CLDN10: variants seen among roughly 807,000 people sequenced by gnomAD.
CLDN10 encodes claudin-10.
In CLDN10, 15 loss-of-function variants were observed where a neutral mutation model predicts 22.9. The observed-to-expected ratio is 0.65, with a 90% CI of 0.44 to 1.01. The LOEUF (loss-of-function observed/expected upper bound fraction) is 1.01, where lower values mean the gene tolerates loss of function less well. Among genes scored for constraint, CLDN10 ranks in the 50% least tolerant of loss-of-function variants. The pLI is 0.00. For synonymous variants in CLDN10, 114 were observed against 111.4 expected, an observed-to-expected ratio of 1.02 and a Z score of -0.15; for missense variants, 247 against 287.8, an observed-to-expected ratio of 0.86 and a Z score of 1.03.
At position 95,435,962 on chromosome 13, in the gene CLDN10, T is replaced by TA. The variant is rs55831992; in HGVS notation, c.214+1929dup. On this transcript the variant is annotated intron_variant, in intron 1 of 4. Transcript: ENST00000376873. The stretch of plus-strand genomic sequence containing the variant: ...TGAGCCACCTTGCCCGGCCTCATCT[T>TA]AAAAAAAAAAAAAAGAAAATTGTCT... Among the ~76,000 whole-genome samples, 725 of 141,616 alleles carry TA rather than the reference T, an allele frequency of 5.1e-3. 8 individuals are homozygous for TA. The highest frequency in any genetic ancestry group is 0.035 in the South Asian group (156 of 4,432). 92.9% of individuals were successfully genotyped at this position (141,616 alleles called of 152,430 possible).
At chr13:95,549,222 T>C (rs1426779540), upstream of CLDN10, among the ~76,000 whole-genome samples, 1 of 152,264 alleles carries the variant, frequency 6.6e-6, no homozygotes, top group East Asian at 1.9e-4. Context: ...GATGTTACTT[T>C]GAATAATTTA....
chr13:95,523,474 A>G (rs1034258198), intron 1 of CLDN10, among the ~76,000 whole-genome samples: 5 of 152,228 alleles, frequency 3.3e-5, no homozygotes, highest in East Asian at 1.9e-4. Flanking sequence ...TGCCTCTTCA[A>G]TTTTACTTGT....
chr13:95,443,415 G>A (rs758663260), intron 1 of CLDN10, among the ~76,000 whole-genome samples: 8 of 152,178 alleles, frequency 5.3e-5, no homozygotes, highest in Admixed American at 6.5e-5. Flanking sequence ...TGTTTTAATC[G>A]GGTGTGGTAA....
intron 1 of CLDN10, among the ~76,000 whole-genome samples, chr13:95,442,485 G>A (rs1166748095): frequency 6.6e-6 from 1 of 152,172 alleles, no homozygotes; most frequent in Non-Finnish European, 1.5e-5. Flanking sequence ...TTGCTATTTT[G>A]TATAAGGCAA....
chr13:95,543,627 C>A (rs1307785131), intron 1 of CLDN10, among the ~76,000 whole-genome samples: 1 of 151,738 alleles, frequency 6.6e-6, no homozygotes, highest in African/African-American at 2.4e-5. Context: ...TTTATTTTTT[C>A]TATTAGTTTG....
chr13:95,548,540 G>A (rs2043533085), upstream of CLDN10, among the ~76,000 whole-genome samples: 1 of 151,992 alleles, frequency 6.6e-6, no homozygotes, highest in African/African-American at 2.4e-5. Context: ...GAGAATAACT[G>A]TTCATTCTGT....
At chr13:95,462,001 TG>T (rs1426727190) in intron 1 of CLDN10, among the ~76,000 whole-genome samples, 1 of 151,276 alleles carries the variant, frequency 6.6e-6, no homozygotes, top group Non-Finnish European at 1.5e-5. Flanking sequence ...GAGGCTGAGG[TG>T]GGAAGATCAC....
chr13:95,557,950 T>G (rs906121245), intron 1 of CLDN10, among the ~76,000 whole-genome samples: 2 of 152,174 alleles, frequency 1.3e-5, no homozygotes, highest in Non-Finnish European at 2.9e-5. Context: ...AATTTAACCT[T>G]TGGTAAATTC....
At chr13:95,490,022 G>A (rs1367083421) in intron 1 of CLDN10, among the ~76,000 whole-genome samples, 5 of 152,092 alleles carry the variant, frequency 3.3e-5, no homozygotes, top group African/African-American at 4.8e-5. Flanking sequence ...AAGATCAGTT[G>A]GCTGTAAGTA....
At chr13:95,487,591 A>G (rs1396953156) in intron 1 of CLDN10, among the ~76,000 whole-genome samples, 2 of 152,238 alleles carry the variant, frequency 1.3e-5, no homozygotes, top group African/African-American at 4.8e-5. Context: ...AATAACAGAG[A>G]AGAGTATAAA....
chr13:95,449,965 A>C (rs1345580942), intron 1 of CLDN10, among the ~76,000 whole-genome samples: 2 of 151,592 alleles, frequency 1.3e-5, no homozygotes, highest in Non-Finnish European at 2.9e-5. Context: ...GGATGGTCTC[A>C]ATCCCCTGAC....
At chr13:95,536,743 T>C (rs2043404361) in intron 1 of CLDN10, among the ~76,000 whole-genome samples, 2 of 152,200 alleles carry the variant, frequency 1.3e-5, no homozygotes, top group Admixed American at 6.5e-5. Context: ...TTCTTTCTCG[T>C]CCTTTCCCAC....
At chr13:95,565,127 T>C (rs1331390189) in intron 3 of CLDN10, among the ~76,000 whole-genome samples, 2 of 136,048 alleles carry the variant, frequency 1.5e-5, no homozygotes, top group African/African-American at 2.6e-5. Flanking sequence ...AACTAACAAA[T>C]CTGAAAAAAA....
At chr13:95,537,698 G>A (rs1184984394) in intron 1 of CLDN10, among the ~76,000 whole-genome samples, 1 of 152,098 alleles carries the variant, frequency 6.6e-6, no homozygotes, top group African/African-American at 2.4e-5. Context: ...GAAGTCCTGT[G>A]CTTATTCTTG....
intron 1 of CLDN10, among the ~76,000 whole-genome samples, chr13:95,494,552 T>C (rs1378549580): frequency 6.6e-6 from 1 of 152,238 alleles, no homozygotes; most frequent in Non-Finnish European, 1.5e-5. Flanking sequence ...ACATTTTTAG[T>C]GTTAAATAAT....
chr13:95,569,455 G>A (rs1419819259), intron 3 of CLDN10, among the ~76,000 whole-genome samples: 2 of 152,082 alleles, frequency 1.3e-5, no homozygotes, highest in Non-Finnish European at 2.9e-5. Flanking sequence ...GTGGTGGCAG[G>A]TGCTTGTAGT....
intron 1 of CLDN10, among the ~76,000 whole-genome samples, chr13:95,441,288 C>T (rs969704614): frequency 1.3e-5 from 2 of 152,192 alleles, no homozygotes; most frequent in Admixed American, 6.5e-5. Context: ...CAGGGTCTTG[C>T]TCTGTCTCCC....
intron 1 of CLDN10, among the ~76,000 whole-genome samples, chr13:95,516,980 TTCCTTCCTTC>T (rs2043174280): frequency 0.14 from 1,436 of 10,298 alleles, 24 homozygotes; most frequent in African/African-American, 0.22. Context: ...CCTTCCTTCC[TTCCTTCCTTC>T]CTTCCTTCCT....
At chr13:95,556,850 T>G (rs565464206) in intron 1 of CLDN10, among the ~76,000 whole-genome samples, 1 of 152,242 alleles carries the variant, frequency 6.6e-6, no homozygotes, top group African/African-American at 2.4e-5. Flanking sequence ...GATGTTTTCG[T>G]TTTTTGCTGA....
Sources: allele counts gnomAD v4.1 joint callset (sites outside exome capture counted in the v4.1 genomes callset), GRCh38; gene constraint gnomAD v4.1.1; transcripts MANE v1.5; gene names NCBI Gene and HGNC (gene_info 2026-07-23, HGNC 2026-07-21).